The following FAM13C variants were observed in gnomAD, a reference collection of about 807,000 sequenced individuals.
The protein encoded by FAM13C is protein FAM13C.
In FAM13C, 37 loss-of-function variants were observed where a neutral mutation model predicts 73.2. That is an observed-to-expected ratio of 0.51 (90% CI 0.39 to 0.67). The LOEUF (loss-of-function observed/expected upper bound fraction) is 0.67, where lower values mean the gene tolerates loss of function less well. Among genes scored for constraint, FAM13C ranks in the 30% least tolerant of loss-of-function variants. The probability of loss-of-function intolerance (pLI) is 0.00; values close to 1 mark genes in which losing one functional copy is unlikely to be tolerated. For missense variants in FAM13C, 589 were observed against 715.6 expected, an observed-to-expected ratio of 0.82 and a Z score of 2.02; for synonymous variants, 246 against 260.9, an observed-to-expected ratio of 0.94 and a Z score of 0.55.
chr10:59,273,097 G>A lies in FAM13C; in HGVS notation c.593-2988C>T, dbSNP rs537468354. ...CCGAAAGGGAAGCCCAGGATATGGGGAGACTACTGTAGTAACAATGCTGTT... is the reference window on the plus strand; with the variant it reads ...CCGAAAGGGAAGCCCAGGATATGGGAAGACTACTGTAGTAACAATGCTGTT... On this transcript the variant is annotated intron_variant, in intron 6 of 13. Coordinates refer to ENST00000618804, the MANE Select transcript of FAM13C (RefSeq NM_198215.4). Among the ~76,000 whole-genome samples, 74 of 152,266 alleles carry A rather than the reference G, an allele frequency of 4.9e-4. 1 individual carries two copies. Among genetic ancestry groups the A allele is most frequent in the Non-Finnish European group, 5.9e-5 (4 of 68,018 alleles).
At chr10:59,349,146 C>T (rs1409652140) in intron 3 of FAM13C, among the ~76,000 whole-genome samples, 6 of 152,144 alleles carry the variant, frequency 3.9e-5, no homozygotes, top group African/African-American at 1.4e-4. Flanking sequence ...TCTCATCAGA[C>T]CTTTCACATT....
chr10:59,259,089 GATTA>G (rs1339911893), intron 10 of FAM13C, among the ~76,000 whole-genome samples: 1 of 152,164 alleles, frequency 6.6e-6, no homozygotes, highest in Non-Finnish European at 1.5e-5. Context: ...CTCAGGGGAT[GATTA>G]ATTAATTTCC....
At chr10:59,330,858 A>T (rs916388995) in intron 3 of FAM13C, among the ~76,000 whole-genome samples, 7 of 152,174 alleles carry the variant, frequency 4.6e-5, no homozygotes, top group African/African-American at 1.7e-4. Context: ...ACTCCCTCAT[A>T]GCACTAGTAT....
At chr10:59,254,848 G>A (rs1253517987) in intron 10 of FAM13C, among the ~76,000 whole-genome samples, 1 of 152,032 alleles carries the variant, frequency 6.6e-6, no homozygotes, top group East Asian at 1.9e-4. Flanking sequence ...CAAGTGATCA[G>A]CCTGCCTCGG....
chr10:59,355,014 A>G (rs1855534116), intron 2 of FAM13C, among the ~76,000 whole-genome samples: 1 of 151,564 alleles, frequency 6.6e-6, no homozygotes, highest in African/African-American at 2.4e-5. Flanking sequence ...TAATAATAAT[A>G]ATAATTTAAA....
chr10:59,246,505 C>G lies in FAM13C; in HGVS notation c.*1109G>C, dbSNP rs1305359696. The G allele has an allele frequency of 5.1e-6, 2 of 389,764 alleles. No homozygotes were observed. The allele number at this position is 389,764 out of a possible 1,614,324, so 24.1% of individuals were successfully genotyped here. A position where few individuals can be genotyped will look rare whatever the true frequency, so the allele number is the denominator to read the frequency against. On this transcript the variant is annotated 3_prime_UTR_variant, in exon 14 of 14. Transcript: ENST00000618804. The stretch of plus-strand genomic sequence containing the variant: ...ACATTACAGAAAATAGAAATACAAA[C>G]AAGGTTGGTACATGAGAGAAAATGT...
intron 6 of FAM13C, among the ~76,000 whole-genome samples, chr10:59,270,573 G>A (rs1026808849): frequency 6.6e-6 from 1 of 152,132 alleles, no homozygotes; most frequent in African/African-American, 2.4e-5. Context: ...AAGAGGAAGA[G>A]AGGGGAGAGG....
intron 6 of FAM13C, among the ~76,000 whole-genome samples, chr10:59,279,591 G>A (rs1844705120): frequency 6.6e-6 from 1 of 152,150 alleles, no homozygotes; most frequent in Non-Finnish European, 1.5e-5. Flanking sequence ...ACAGAACAAA[G>A]GCTACTATGC....
rs73299227 is a variant in FAM13C at position 59,323,992 on chromosome 10, G to A, written c.439C>T (p.Pro147Ser). ...FKCQETVRLQPRIDQRTAISP... is the reference protein window; with the variant it reads ...FKCQETVRLQSRIDQRTAISP... ...TTCTGATAACAAAGGGCCCACCTTG[G>A]TTGAAGTCGCACTGTTTCTTGGCAC... The change falls in exon 4 of 14, where the codon CCA (proline) becomes TCA (serine). Residue 147 changes from proline (P) to serine (S), a missense_variant. Physicochemically the swap from Pro to Ser is moderately conservative, Grantham distance 74. Coordinates refer to ENST00000618804, the MANE Select transcript of FAM13C (RefSeq NM_198215.4). 1.8e-3 allele frequency: 2,976 copies of A among 1,613,556 alleles called. 66 individuals carry two copies. The African/African-American group carries it at 0.036, about 19-fold the overall frequency.
chr10:59,332,195 C>T (rs953169350), intron 3 of FAM13C, among the ~76,000 whole-genome samples: 1 of 151,766 alleles, frequency 6.6e-6, no homozygotes, highest in Non-Finnish European at 1.5e-5. Flanking sequence ...ATAGTAAGAA[C>T]CCACAGAGAG....
chr10:59,254,799 T>G (rs1345355953), intron 10 of FAM13C, among the ~76,000 whole-genome samples: 2 of 151,994 alleles, frequency 1.3e-5, no homozygotes, highest in Non-Finnish European at 2.9e-5. Flanking sequence ...GATACAGGGT[T>G]TCACCATGTT....
At chr10:59,337,561 A>G (rs539909363) in intron 3 of FAM13C, among the ~76,000 whole-genome samples, 3 of 152,330 alleles carry the variant, frequency 2.0e-5, no homozygotes, top group East Asian at 3.9e-4. Context: ...AAACAGGTAC[A>G]AAACAATACA....
At chr10:59,279,626 C>A (rs192035496) in intron 6 of FAM13C, among the ~76,000 whole-genome samples, 45 of 152,300 alleles carry the variant, frequency 3.0e-4, no homozygotes, top group African/African-American at 1.1e-3. Flanking sequence ...CATGAACAGT[C>A]CTTCTCCACA....
chr10:59,296,903 T>A (rs1453485984), intron 5 of FAM13C: 3 of 152,212 alleles, frequency 2.0e-5, no homozygotes, highest in Non-Finnish European at 4.4e-5. Context: ...AGAACATACC[T>A]TTAGAATGCC....
At chr10:59,265,309 GAA>G (rs1335790501) in intron 8 of FAM13C, among the ~76,000 whole-genome samples, 48 of 125,696 alleles carry the variant, frequency 3.8e-4, no homozygotes, top group African/African-American at 1.6e-3. Flanking sequence ...GAGGGATAGG[GAA>G]GGGGTTTTGG....
At chr10:59,265,481 C>T (rs1035897940) in intron 8 of FAM13C, among the ~76,000 whole-genome samples, 1 of 152,018 alleles carries the variant, frequency 6.6e-6, no homozygotes, top group Non-Finnish European at 1.5e-5. Context: ...TCTGGTTACA[C>T]GGAAAGTCAA....
At chr10:59,278,312 G>A (rs1047838234) in intron 6 of FAM13C, among the ~76,000 whole-genome samples, 1 of 152,046 alleles carries the variant, frequency 6.6e-6, no homozygotes, top group African/African-American at 2.4e-5. Context: ...TTCATCTGGG[G>A]GTGATAATGA....
chr10:59,289,831 C>T (rs1846018156), intron 5 of FAM13C, among the ~76,000 whole-genome samples: 2 of 152,192 alleles, frequency 1.3e-5, no homozygotes, highest in South Asian at 4.1e-4. Flanking sequence ...GTCCTAGTGC[C>T]ACCTCAACCC....
At position 59,246,470 on chromosome 10, in the gene FAM13C, T is replaced by C. The variant is rs1274247044; in HGVS notation, c.*1144A>G. 2.6e-6 allele frequency: 1 copy of C among 383,656 alleles called. No homozygotes were observed. The highest frequency in any genetic ancestry group is 4.5e-5 in the Admixed American group (1 of 22,352). The allele number at this position is 383,656 out of a possible 1,614,324, so 23.8% of individuals were successfully genotyped here. A position where few individuals can be genotyped will look rare whatever the true frequency, so the allele number is the denominator to read the frequency against. ...TAAGAGAATGTGAATTTCTTCAACA[T>C]CATACTTAAACATTACAGAAAATAG... On this transcript the variant is annotated 3_prime_UTR_variant, in exon 14 of 14. Coordinates refer to ENST00000618804, the MANE Select transcript of FAM13C (RefSeq NM_198215.4).
Sources: gnomAD v4.1 joint callset for allele counts (sites outside exome capture counted in the v4.1 genomes callset) on GRCh38, gnomAD v4.1.1 for gene constraint, MANE v1.5 for transcripts, NCBI Gene and HGNC (gene_info 2026-07-23, HGNC 2026-07-21) for gene names.